Variants in ADAMTS20 observed in about 807,000 individuals in gnomAD.
The protein encoded by ADAMTS20 is A disintegrin and metalloproteinase with thrombospondin motifs 20.
ADAMTS20 carries 225 observed loss-of-function variants against 260.1 expected under a neutral mutation model. The ratio of observed to expected loss-of-function variants is 0.87; its 90% confidence interval spans 0.78 to 0.97. ADAMTS20 has a LOEUF of 0.97. ADAMTS20 is among the 50% of genes least tolerant of loss of function. The pLI, the probability that ADAMTS20 is intolerant of heterozygous loss-of-function variation, is 0.00. For missense variants in ADAMTS20, 2,400 were observed against 2,337.7 expected (o/e 1.03, Z -0.55); for synonymous variants, 802 against 769.5 (o/e 1.04, Z -0.70).
At chr12:43,376,979 G>T (rs973252429) in intron 32 of ADAMTS20, among the ~76,000 whole-genome samples, 1 of 152,168 alleles carries the variant, frequency 6.6e-6, no homozygotes, top group Non-Finnish European at 1.5e-5. Flanking sequence ...TGCTAAGTTT[G>T]CAAAGTGATA....
chr12:43,383,789 C>A lies in ADAMTS20; in HGVS notation c.4626+15G>T. ...TATATGCAGTGTCTTTGAAAATTTACATGTCGATACTCACATTCAGCCTCC... is the reference window on the plus strand; with the variant it reads ...TATATGCAGTGTCTTTGAAAATTTAAATGTCGATACTCACATTCAGCCTCC... On this transcript the variant is annotated intron_variant, in intron 30 of 38. Transcript: ENST00000389420. The A allele has an allele frequency of 6.2e-7, 1 of 1,613,380 alleles. No individual in the cohort carries two copies. Among genetic ancestry groups the A allele is most frequent in the Non-Finnish European group, 8.5e-7 (1 of 1,179,480 alleles).
intron 28 of ADAMTS20, among the ~76,000 whole-genome samples, chr12:43,411,118 T>C (rs979741594): frequency 2.6e-5 from 4 of 152,218 alleles, no homozygotes; most frequent in Non-Finnish European, 5.9e-5. Flanking sequence ...TGAAAACATA[T>C]TGCATTATTG....
At chr12:43,550,768 T>A (rs1943500324) in intron 2 of ADAMTS20, 141 bp downstream of exon 2, 1 of 1,293,288 alleles carries the variant, frequency 7.7e-7, no homozygotes, top group Admixed American at 3.0e-5. Context: ...GAGTTGCCTC[T>A]GGCTTGGTGT....
At chr12:43,392,048 T>G (rs1940607334) in intron 29 of ADAMTS20, among the ~76,000 whole-genome samples, 1 of 152,192 alleles carries the variant, frequency 6.6e-6, no homozygotes, top group Middle Eastern at 3.2e-3. Context: ...CATGTTATGC[T>G]TAAGCAGTTG....
At chr12:43,454,454 C>T (rs1053054306) in intron 11 of ADAMTS20, among the ~76,000 whole-genome samples, 11 of 152,212 alleles carry the variant, frequency 7.2e-5, no homozygotes, top group African/African-American at 2.2e-4. Flanking sequence ...TTATTCTATC[C>T]GAAGTCTCAA....
At position 43,369,279 on chromosome 12, in the gene ADAMTS20, A is replaced by C; in HGVS notation, c.5538+11T>G. 6.8e-7 allele frequency: 1 copy of C among 1,467,942 alleles called. No individual in the cohort carries two copies. The highest frequency in any genetic ancestry group is 9.0e-7 in the Non-Finnish European group (1 of 1,106,466). The allele number at this position is 1,467,942 out of a possible 1,614,324, so 90.9% of individuals were successfully genotyped here. On this transcript the variant is annotated intron_variant, in intron 37 of 38. Coordinates refer to ENST00000389420, the MANE Select transcript of ADAMTS20 (RefSeq NM_025003.5). The stretch of plus-strand genomic sequence containing the variant: ...CAAAGAAAGAAAATTAATCAAACAA[A>C]TATGAAATACCTGTGGGCATCTGAA...
At chr12:43,382,691 A>T (rs1940380470) in intron 31 of ADAMTS20, among the ~76,000 whole-genome samples, 1 of 152,142 alleles carries the variant, frequency 6.6e-6, no homozygotes, top group African/African-American at 2.4e-5. Flanking sequence ...GAAAAAAATA[A>T]AATAAAAATT....
intron 31 of ADAMTS20, among the ~76,000 whole-genome samples, chr12:43,382,385 G>C (rs571071056): frequency 1.3e-5 from 2 of 152,210 alleles, no homozygotes; most frequent in African/African-American, 2.4e-5. Context: ...AGACACAAAA[G>C]ACCACATATG....
chr12:43,419,102 C>G (rs1184487857), intron 28 of ADAMTS20, among the ~76,000 whole-genome samples: 2 of 152,006 alleles, frequency 1.3e-5, no homozygotes, highest in Non-Finnish European at 2.9e-5. Flanking sequence ...AGAAAAGTTA[C>G]CATTCACAAA....
chr12:43,466,604 A>C, intron 9 of ADAMTS20, 48 bp downstream of exon 9: 2 of 1,536,176 alleles, frequency 1.3e-6, no homozygotes, highest in Non-Finnish European at 1.8e-6. Context: ...TCAATTTCAA[A>C]TCTTATAATC....
chr12:43,501,143 C>T (rs1942753745), intron 4 of ADAMTS20, among the ~76,000 whole-genome samples: 1 of 146,772 alleles, frequency 6.8e-6, no homozygotes, highest in Admixed American at 7.1e-5. Context: ...ACTGCAACCT[C>T]TGCCTCCCGG....
intron 38 of ADAMTS20, among the ~76,000 whole-genome samples, chr12:43,356,111 C>T (rs1309921803): frequency 6.6e-6 from 1 of 152,064 alleles, no homozygotes; most frequent in East Asian, 1.9e-4. Context: ...ATATTAAAAC[C>T]TGTAAACCTT....
intron 4 of ADAMTS20, among the ~76,000 whole-genome samples, chr12:43,500,937 C>T (rs997944871): frequency 6.6e-6 from 1 of 152,046 alleles, no homozygotes; most frequent in Non-Finnish European, 1.5e-5. Context: ...TATAGATATG[C>T]CCTTGCTAAG....
chr12:43,514,095 A>G (rs1481822406), intron 3 of ADAMTS20, among the ~76,000 whole-genome samples: 10 of 149,924 alleles, frequency 6.7e-5, no homozygotes, highest in Non-Finnish European at 1.2e-4. Context: ...CTAAAAAAAA[A>G]AAAAAAAAAA....
chr12:43,480,001 T>A (rs1466564344), intron 7 of ADAMTS20, among the ~76,000 whole-genome samples: 1 of 152,126 alleles, frequency 6.6e-6, no homozygotes, highest in Non-Finnish European at 1.5e-5. Context: ...AAGAAAATGC[T>A]ATGAAAATCA....
chr12:43,412,969 C>A (rs917349848), intron 28 of ADAMTS20, among the ~76,000 whole-genome samples: 1 of 151,818 alleles, frequency 6.6e-6, no homozygotes, highest in Non-Finnish European at 1.5e-5. Context: ...CACCACTACC[C>A]CCAGCTAACT....
At chr12:43,496,724 C>T (rs929205937) in intron 4 of ADAMTS20, among the ~76,000 whole-genome samples, 47 of 152,058 alleles carry the variant, frequency 3.1e-4, no homozygotes, top group African/African-American at 1.1e-3. Context: ...TAACCAGGTG[C>T]TGTTGGGAAG....
chr12:43,551,125 G>A lies in ADAMTS20; in HGVS notation c.237C>T (p.His79=), dbSNP rs773556740. The change falls in exon 2 of 39, where the codon CAC becomes CAT. Residue 79 remains histidine (H), a synonymous_variant. Coordinates refer to ENST00000389420, the MANE Select transcript of ADAMTS20 (RefSeq NM_025003.5). The surrounding 1 kb of genome is among the most constrained non-coding windows in gnomAD (Gnocchi z 4.6). ...GCTGCCCGTAGGCAGTGAAGCGATA[G>A]TGGGTTCGGAACGGCATGGGTTCCA... The part of the protein sequence containing the change: ...EALEPMPFRT[H]YRFTAYGQLF... 1.9e-6 allele frequency: 3 copies of A among 1,613,976 alleles called. No individual in the cohort carries two copies. The highest frequency in any genetic ancestry group is 1.6e-4 in the Middle Eastern group (1 of 6,062).
chr12:43,475,525 A>T lies in ADAMTS20; in HGVS notation c.1118-6820T>A, dbSNP rs566139235. The stretch of plus-strand genomic sequence containing the variant: ...CATATGGAACCAAAAAAGAGCCCGC[A>T]TCGCCAAGTCAATCCTAAGCCAAAA... On this transcript the variant is annotated intron_variant, in intron 7 of 38. Coordinates refer to ENST00000389420, the MANE Select transcript of ADAMTS20 (RefSeq NM_025003.5). 6.4e-4 allele frequency among the ~76,000 whole-genome samples: 97 copies of T among 151,794 alleles called. 2 individuals carry two copies. The highest frequency in any genetic ancestry group is 2.2e-3 in the African/African-American group (91 of 41,400).
Sources: gnomAD v4.1 joint callset for allele counts (sites outside exome capture counted in the v4.1 genomes callset) on GRCh38, gnomAD v4.1.1 for gene constraint, Gnocchi (gnomAD v3.1) non-coding constraint, MANE v1.5 for transcripts, NCBI Gene and HGNC (gene_info 2026-07-23, HGNC 2026-07-21) for gene names.